Variants in TEX14 observed in about 807,000 individuals in gnomAD.
TEX14 encodes testis expressed 14, intercellular bridge forming factor, also known as inactive serine/threonine-protein kinase TEX14.
Under a neutral mutation model 178.6 loss-of-function variants are expected in TEX14, and 168 were observed. That is an observed-to-expected ratio of 0.94 (90% CI 0.83 to 1.07). TEX14 has a LOEUF of 1.07. TEX14 is among the 50% of genes least tolerant of loss of function. TEX14 has a pLI of 0.00. For missense variants in TEX14, 1,730 were observed against 1,753.6 expected, an observed-to-expected ratio of 0.99 and a Z score of 0.24; for synonymous variants, 626 against 634.1, an observed-to-expected ratio of 0.99 and a Z score of 0.19.
At chr17:58,618,621 G>A (rs2045929796) in intron 5 of TEX14, among the ~76,000 whole-genome samples, 5 of 152,238 alleles carry the variant, frequency 3.3e-5, no homozygotes, top group Admixed American at 3.3e-4. Flanking sequence ...TGCCACCAGA[G>A]GCACTTTCCT....
chr17:58,604,776 G>A (rs549916544), intron 11 of TEX14, among the ~76,000 whole-genome samples: 2 of 152,132 alleles, frequency 1.3e-5, no homozygotes, highest in East Asian at 2.0e-4. Context: ...GGCCAGGCTC[G>A]TCTTGAACTC....
At chr17:58,622,022 G>A (rs143205494) in intron 4 of TEX14, among the ~76,000 whole-genome samples, 3 of 152,338 alleles carry the variant, frequency 2.0e-5, no homozygotes, top group African/African-American at 7.2e-5. Flanking sequence ...GCCAAGACGA[G>A]TAAAATTTGC....
chr17:58,568,877 T>C (rs1245718944), intron 26 of TEX14, among the ~76,000 whole-genome samples: 3 of 152,206 alleles, frequency 2.0e-5, no homozygotes, highest in South Asian at 2.1e-4. Flanking sequence ...GAAAAGGAGA[T>C]AAGAACTCCT....
At chr17:58,665,583 G>A (rs957336755) in intron 1 of TEX14, among the ~76,000 whole-genome samples, 1 of 151,674 alleles carries the variant, frequency 6.6e-6, no homozygotes, top group Non-Finnish European at 1.5e-5. Context: ...GCAACAGGGT[G>A]AGACTCTGTC....
At chr17:58,613,001 AG>A (rs2144519996) in intron 9 of TEX14, among the ~76,000 whole-genome samples, 1 of 152,280 alleles carries the variant, frequency 6.6e-6, no homozygotes, top group South Asian at 2.1e-4. Flanking sequence ...CAGGAGTTTG[AG>A]AACAGCCTGG....
At chr17:58,644,638 C>CTTTTTTT (rs34373378) in intron 2 of TEX14, among the ~76,000 whole-genome samples, 1 of 39,566 alleles carries the variant, frequency 2.5e-5, no homozygotes, top group Non-Finnish European at 4.3e-5. Context: ...CCGCACCTGG[C>CTTTTTTT]TTTTTTTTTT....
chr17:58,589,260 T>C (rs1349321327), intron 15 of TEX14, among the ~76,000 whole-genome samples: 3 of 148,370 alleles, frequency 2.0e-5, no homozygotes, highest in East Asian at 4.0e-4. Flanking sequence ...GAGACTCTAT[T>C]TCCAAAGAAA....
At chr17:58,611,494 T>C (rs112741734) in intron 9 of TEX14, among the ~76,000 whole-genome samples, 155 bp from the exon 10 acceptor site, 2 of 152,152 alleles carry the variant, frequency 1.3e-5, no homozygotes, top group African/African-American at 4.8e-5. Context: ...TGAGGCTAAG[T>C]GAATGGCCTG....
chr17:58,624,127 CA>C (rs1052778271), intron 3 of TEX14, among the ~76,000 whole-genome samples: 1 of 151,772 alleles, frequency 6.6e-6, no homozygotes, highest in African/African-American at 2.4e-5. Flanking sequence ...ACTAAAAATA[CA>C]AAAAAATTAG....
chr17:58,658,360 T>C (rs137943811), intron 1 of TEX14, among the ~76,000 whole-genome samples: 1 of 150,806 alleles, frequency 6.6e-6, no homozygotes, highest in Non-Finnish European at 1.5e-5. Flanking sequence ...GCACCACCTG[T>C]ACCAGTGTGT....
rs2045570939 is a variant in TEX14 at position 58,604,982 on chromosome 17, T to G, written c.1332A>C (p.Leu444Phe). ...CCATTAATGATCTTGATCTACCTGT[T>G]AAAATCTCCTGCATGATCATAGAAA... ...YSFSMIMQEI[L>F]TDDIPWKGLD... Residue 444 changes from leucine to phenylalanine, a missense_variant, in exon 11 of 32, where the codon TTA becomes TTC. By Grantham distance (22) the Leu-to-Phe change is conservative. Transcript: ENST00000349033. The G allele has an allele frequency of 6.2e-7, 1 of 1,614,096 alleles. No individual in the cohort carries two copies. The highest frequency in any genetic ancestry group is 1.3e-5 in the African/African-American group (1 of 74,942).
chr17:58,654,382 C>G (rs1311699959), intron 1 of TEX14, among the ~76,000 whole-genome samples: 1 of 151,792 alleles, frequency 6.6e-6, no homozygotes. Context: ...TTTCCAGACC[C>G]TAGATCCTAG....
In TEX14 at chr17:58,601,880, T is replaced by C. The variant is rs747774119; in HGVS notation, c.1604A>G (p.Asn535Ser). The C allele has an allele frequency of 1.9e-5, 30 of 1,613,352 alleles. No individual in the cohort carries two copies. Among genetic ancestry groups the C allele is most frequent in the Admixed American group, 1.0e-4 (6 of 60,000 alleles). The change falls in exon 13 of 32, where the codon AAT becomes AGT. Residue 535 changes from asparagine (N) to serine (S), a missense_variant. By Grantham distance (46) the Asn-to-Ser change is conservative. Around this residue, in one of 2 missense-constraint regions of TEX14, gnomAD observed 789 missense variants for 681.2 expected, o/e 1.16. Transcript: ENST00000349033. ...TTCTGAAGTCAGTCCTAGATAGACA[T>C]TGACATCGGGATGGAGTCCGTATCT... ...VQRYGLHPDV[N>S]VYLGLTSEHP...
chr17:58,623,521 G>A (rs1735501711), intron 3 of TEX14, among the ~76,000 whole-genome samples: 1 of 134,582 alleles, frequency 7.4e-6, no homozygotes, highest in African/African-American at 2.8e-5. Context: ...CAGCAATGCA[G>A]TCAAGGATCT....
At chr17:58,622,370 C>T (rs1238252810) in intron 4 of TEX14, among the ~76,000 whole-genome samples, 1 of 151,546 alleles carries the variant, frequency 6.6e-6, no homozygotes, top group Non-Finnish European at 1.5e-5. Flanking sequence ...TGCTTGAACC[C>T]AGGAGGCGGA....
chr17:58,613,392 A>G, intron 9 of TEX14, 29 bp downstream of exon 9: 1 of 1,613,432 alleles, frequency 6.2e-7, no homozygotes, highest in Non-Finnish European at 8.5e-7. Context: ...GAGGTCAGCA[A>G]TGGAAAATCC....
chr17:58,686,861 C>CTTTTT (rs71143271), intron 1 of TEX14, among the ~76,000 whole-genome samples: 6 of 71,538 alleles, frequency 8.4e-5, no homozygotes, highest in Non-Finnish European at 1.3e-4. Context: ...GAAAGGTCAC[C>CTTTTT]TTTTTTTTTT....
intron 28 of TEX14, among the ~76,000 whole-genome samples, chr17:58,564,625 A>T (rs528292911): frequency 6.6e-6 from 1 of 152,294 alleles, no homozygotes; most frequent in African/African-American, 2.4e-5. Context: ...AGGTTATTGG[A>T]CTGTGCACTT....
chr17:58,673,700 C>G (rs2047341664), intron 1 of TEX14, among the ~76,000 whole-genome samples: 3 of 151,554 alleles, frequency 2.0e-5, no homozygotes, highest in African/African-American at 7.3e-5. Flanking sequence ...TAGCTGGGAC[C>G]ACAGGCATGC....
Sources: allele counts gnomAD v4.1 joint callset (sites outside exome capture counted in the v4.1 genomes callset), GRCh38; gene constraint gnomAD v4.1.1; regional missense constraint gnomAD v4.1.1; transcripts MANE v1.5; gene names NCBI Gene and HGNC (gene_info 2026-07-23, HGNC 2026-07-21).